Variants in CDH13 observed in about 807,000 individuals in gnomAD.
The protein encoded by CDH13 is cadherin 13.
A neutral mutation model predicts 63.8 loss-of-function variants in CDH13; 24 were observed. That is an observed-to-expected ratio of 0.38 (90% CI 0.27 to 0.53). The LOEUF (loss-of-function observed/expected upper bound fraction) is 0.53, where lower values mean the gene tolerates loss of function less well. Among genes scored for constraint, CDH13 ranks in the 20% least tolerant of loss-of-function variants. The pLI is 0.85. For synonymous variants in CDH13, 503 were observed against 355.3 expected (o/e 1.42, Z -4.67); for missense variants, 1,049 against 903.1 (o/e 1.16, Z -2.07).
chr16:83,345,269 C>T (rs1018099999), intron 6 of CDH13, among the ~76,000 whole-genome samples: 40 of 152,050 alleles, frequency 2.6e-4, no homozygotes, highest in African/African-American at 6.5e-4. Flanking sequence ...AAGGCATGGC[C>T]GATGTTGGGC....
chr16:83,742,445 A>T (rs1334062214), intron 10 of CDH13, among the ~76,000 whole-genome samples: 1 of 152,072 alleles, frequency 6.6e-6, no homozygotes, highest in Admixed American at 6.5e-5. Context: ...TTTTCCTGTA[A>T]CAAGCAAAGT....
chr16:82,972,467 G>A (rs967089123), intron 2 of CDH13, among the ~76,000 whole-genome samples: 9 of 152,160 alleles, frequency 5.9e-5, no homozygotes, highest in African/African-American at 2.2e-4. Flanking sequence ...AAAACATACT[G>A]CATTAGCTGA....
intron 5 of CDH13, among the ~76,000 whole-genome samples, chr16:83,260,676 A>G (rs1906880125): frequency 1.3e-5 from 2 of 152,278 alleles, no homozygotes; most frequent in East Asian, 3.9e-4. Context: ...GAAAAATGCA[A>G]AGTTGGAACC....
chr16:83,331,712 T>A (rs1454797431), intron 5 of CDH13, among the ~76,000 whole-genome samples: 2 of 152,216 alleles, frequency 1.3e-5, no homozygotes, highest in African/African-American at 2.4e-5. Context: ...AAAAATTGCA[T>A]TATGTATACA....
chr16:83,216,963 G>T lies in CDH13; in HGVS notation c.484-382G>T, dbSNP rs570516715. The stretch of plus-strand genomic sequence containing the variant: ...ACCTGGAATCTTGATCAATGCATGC[G>T]CAGCAAATGGCTTCCATTACCTTTT... On this transcript the variant is annotated intron_variant, in intron 4 of 13. Coordinates refer to ENST00000567109, the MANE Select transcript of CDH13 (RefSeq NM_001257.5). Among the ~76,000 whole-genome samples the T allele has an allele frequency of 4.6e-5, 7 of 152,060 alleles. No individual in the cohort carries two copies. In the South Asian group the frequency reaches 1.0e-3, roughly 23 times the overall value.
intron 2 of CDH13, among the ~76,000 whole-genome samples, chr16:82,972,765 C>T (rs1298931100): frequency 6.6e-6 from 1 of 151,296 alleles, no homozygotes; most frequent in Non-Finnish European, 1.5e-5. Context: ...AAGCAAGAAT[C>T]AGCCTTGTGT....
intron 2 of CDH13, among the ~76,000 whole-genome samples, chr16:82,934,781 G>GACCTT (rs1233086951): frequency 5.9e-5 from 9 of 152,208 alleles, no homozygotes; most frequent in African/African-American, 2.2e-4. Flanking sequence ...TAGCAAGAGT[G>GACCTT]ACCTTTGCTT....
chr16:83,045,420 C>T (rs544926308), intron 3 of CDH13, among the ~76,000 whole-genome samples: 5 of 152,012 alleles, frequency 3.3e-5, no homozygotes, highest in Non-Finnish European at 5.9e-5. Context: ...AGGTGGATCA[C>T]GATATCAGGA....
intron 11 of CDH13, among the ~76,000 whole-genome samples, chr16:83,769,592 C>G (rs557509390): frequency 2.0e-4 from 31 of 152,292 alleles, no homozygotes; most frequent in Non-Finnish European, 4.1e-4. Context: ...AGCCTGGTGT[C>G]TTATCTACCA....
At chr16:83,259,577 G>C (rs535378373) in intron 5 of CDH13, among the ~76,000 whole-genome samples, 1 of 152,274 alleles carries the variant, frequency 6.6e-6, no homozygotes, top group East Asian at 1.9e-4. Context: ...ATAGATTACA[G>C]GCAGAGAAAC....
chr16:83,716,399 A>G (rs1382105875), intron 10 of CDH13, among the ~76,000 whole-genome samples: 1 of 152,188 alleles, frequency 6.6e-6, no homozygotes, highest in Non-Finnish European at 1.5e-5. Flanking sequence ...TCAGAACTCT[A>G]AATATCCCGT....
intron 10 of CDH13, among the ~76,000 whole-genome samples, chr16:83,740,966 AG>A (rs1342899508): frequency 6.6e-6 from 1 of 152,246 alleles, no homozygotes; most frequent in African/African-American, 2.4e-5. Flanking sequence ...AAATGCAGGT[AG>A]AAAGTCAGGC....
At chr16:83,601,434 A>C (rs1027930986) in intron 7 of CDH13, among the ~76,000 whole-genome samples, 2 of 152,184 alleles carry the variant, frequency 1.3e-5, no homozygotes, top group Non-Finnish European at 2.9e-5. Context: ...GAAGAGAGAG[A>C]ATAGTGCAAT....
rs556915635 is a variant in CDH13, at chr16:83,486,265, C to T, written c.782-212C>T. On this transcript the variant is annotated intron_variant, in intron 6 of 13. Coordinates refer to ENST00000567109, the MANE Select transcript of CDH13 (RefSeq NM_001257.5). Reference sequence around the variant, plus strand: ...CTCTGCTGAACAGCAAAGATGTTTTCTTCTTTATTTCAGGTCTTTTCATGG... The same window carrying T: ...CTCTGCTGAACAGCAAAGATGTTTTTTTCTTTATTTCAGGTCTTTTCATGG... 1.3e-3 allele frequency among the ~76,000 whole-genome samples: 200 copies of T among 152,280 alleles called. 4 individuals carry two copies. The South Asian group carries it at 0.038, about 29-fold the overall frequency.
intron 5 of CDH13, among the ~76,000 whole-genome samples, chr16:83,266,514 C>T (rs1907640231): frequency 1.3e-5 from 2 of 151,964 alleles, no homozygotes; most frequent in Non-Finnish European, 2.9e-5. Context: ...TTGTATTCCT[C>T]AGAAAGTCTT....
chr16:83,602,125 AAAAAAAAAAAAAAAAAAACCC>A, intron 7 of CDH13, among the ~76,000 whole-genome samples: 1 of 102,004 alleles, frequency 9.8e-6, no homozygotes, highest in African/African-American at 4.4e-5. Context: ...AAAAAAAAAA[AAAAAAAAAAAAAAAAAAACCC>A]AAAGGACAAT....
chr16:83,087,593 G>A (rs1286615810), intron 3 of CDH13, among the ~76,000 whole-genome samples: 2 of 149,406 alleles, frequency 1.3e-5, no homozygotes, highest in Admixed American at 6.8e-5. Context: ...ACTTGAACGC[G>A]GGAGCCGGAG....
intron 1 of CDH13, among the ~76,000 whole-genome samples, chr16:82,782,318 T>G (rs1362509807): frequency 1.3e-5 from 2 of 152,066 alleles, no homozygotes; most frequent in Non-Finnish European, 2.9e-5. Context: ...TCCCAGCACT[T>G]TGGGAGGCTG....
intron 6 of CDH13, among the ~76,000 whole-genome samples, chr16:83,408,278 T>C (rs867924467): frequency 1.3e-5 from 2 of 152,138 alleles, no homozygotes; most frequent in South Asian, 4.1e-4. Flanking sequence ...CACATACACA[T>C]ATTCACACAA....
Sources: allele counts gnomAD v4.1 joint callset (sites outside exome capture counted in the v4.1 genomes callset), GRCh38; gene constraint gnomAD v4.1.1; transcripts MANE v1.5; gene names NCBI Gene and HGNC (gene_info 2026-07-23, HGNC 2026-07-21).